ZNF438: variants seen among roughly 807,000 people sequenced by gnomAD.
ZNF438 encodes the protein zinc finger protein 438.
A neutral mutation model predicts 38.0 loss-of-function variants in ZNF438; 25 were observed. That is an observed-to-expected ratio of 0.66 (90% CI 0.48 to 0.92). The LOEUF (loss-of-function observed/expected upper bound fraction) is 0.92, where lower values mean the gene tolerates loss of function less well. Among genes scored for constraint, ZNF438 ranks in the 40% least tolerant of loss-of-function variants. The pLI is 0.00. For synonymous variants in ZNF438, 372 were observed against 364.1 expected (o/e 1.02, Z -0.25); for missense variants, 1,007 against 999.6 (o/e 1.01, Z -0.10).
At position 31,027,618 on chromosome 10, in the gene ZNF438, T is replaced by A. The variant is rs574062041; in HGVS notation, c.-192+4215A>T. On this transcript the variant is annotated intron_variant, in intron 1 of 5. Coordinates refer to ENST00000413025, the Ensembl canonical transcript of ZNF438. ...AGGCTATTGACTATGCAATTTTACTTTATACCATATATGGGTATCTGATGT... is the reference window on the plus strand; with the variant it reads ...AGGCTATTGACTATGCAATTTTACTATATACCATATATGGGTATCTGATGT... Among the ~76,000 whole-genome samples, 14 of 152,256 alleles carry A rather than the reference T, an allele frequency of 9.2e-5. No individual in the cohort carries two copies. In the East Asian group the frequency reaches 2.3e-3, roughly 25 times the overall value.
At chr10:30,901,670 C>T (rs530864301) in intron 3 of ZNF438, among the ~76,000 whole-genome samples, 2 of 151,652 alleles carry the variant, frequency 1.3e-5, no homozygotes, top group East Asian at 2.0e-4. Context: ...TCTCACCGCT[C>T]GGCGATAGTC....
At chr10:31,017,655 C>T (rs73254450) in intron 1 of ZNF438, among the ~76,000 whole-genome samples, 1,818 of 152,272 alleles carry the variant, frequency 0.012, 40 homozygotes, top group African/African-American at 0.041. Flanking sequence ...TCTCTTCAAC[C>T]CTCTCTTGAT....
At chr10:30,892,305 TAAC>T (rs1226319696) in intron 3 of ZNF438, among the ~76,000 whole-genome samples, 7 of 151,578 alleles carry the variant, frequency 4.6e-5, no homozygotes, top group African/African-American at 1.7e-4. Context: ...AGGAAGAAAT[TAAC>T]AATAACTAAT....
chr10:30,875,482 T>G (rs1185711107), intron 4 of ZNF438: 1 of 985,310 alleles, frequency 1.0e-6, no homozygotes, highest in African/African-American at 1.7e-5. Context: ...TGTTCCATTA[T>G]TTTTTCTCCT....
intron 1 of ZNF438, among the ~76,000 whole-genome samples, chr10:30,990,415 G>A (rs961541264): frequency 1.3e-5 from 2 of 152,150 alleles, no homozygotes; most frequent in Non-Finnish European, 2.9e-5. Flanking sequence ...ATTGACAGTA[G>A]GTTATCCAGA....
intron 1 of ZNF438, among the ~76,000 whole-genome samples, chr10:31,029,072 C>G (rs186422697): frequency 3.3e-5 from 5 of 152,352 alleles, no homozygotes; most frequent in Non-Finnish European, 5.9e-5. Flanking sequence ...AACATGTTCA[C>G]TCGGAGGTGG....
chr10:31,031,533 G>T (rs1186861468), intron 1 of ZNF438, among the ~76,000 whole-genome samples: 1 of 152,194 alleles, frequency 6.6e-6, no homozygotes, highest in African/African-American at 2.4e-5. Context: ...AAGAAAAAAA[G>T]GGACTCTCCA....
At chr10:30,950,653 A>T (rs530290245) in intron 1 of ZNF438, among the ~76,000 whole-genome samples, 17 of 149,304 alleles carry the variant, frequency 1.1e-4, no homozygotes, top group African/African-American at 4.2e-4. Context: ...TCTAGAAGAA[A>T]TGGATAAATT....
At chr10:30,993,970 C>G (rs1434692278) in intron 1 of ZNF438, among the ~76,000 whole-genome samples, 2 of 152,228 alleles carry the variant, frequency 1.3e-5, no homozygotes, top group Non-Finnish European at 2.9e-5. Context: ...TACATGGGAT[C>G]TGTTACTCCT....
At chr10:30,876,872 T>C (rs948861650) in intron 4 of ZNF438, 126 bp downstream of exon 5, 4 of 621,652 alleles carry the variant, frequency 6.4e-6, no homozygotes, top group African/African-American at 5.8e-5. Flanking sequence ...TTTTCATATA[T>C]AATTATAATT....
chr10:30,904,931 A>G (rs1413490024), intron 3 of ZNF438, among the ~76,000 whole-genome samples: 1 of 152,134 alleles, frequency 6.6e-6, no homozygotes, highest in Non-Finnish European at 1.5e-5. Flanking sequence ...TCTTTCCCTG[A>G]TGGTACTTAC....
chr10:31,029,383 TGCAAAACTAA>T (rs2057139003), intron 1 of ZNF438, among the ~76,000 whole-genome samples: 1 of 152,208 alleles, frequency 6.6e-6, no homozygotes, highest in East Asian at 1.9e-4. Flanking sequence ...TTAGAACTTG[TGCAAAACTAA>T]ATTTGTAATT....
intron 3 of ZNF438, among the ~76,000 whole-genome samples, chr10:30,890,076 G>C (rs2040481148): frequency 7.5e-6 from 1 of 133,416 alleles, no homozygotes; most frequent in African/African-American, 2.9e-5. Flanking sequence ...ATTATCTTTG[G>C]CATTTCCAAA....
intron 1 of ZNF438, among the ~76,000 whole-genome samples, chr10:30,989,821 T>C (rs2053275180): frequency 6.6e-6 from 1 of 152,164 alleles, no homozygotes; most frequent in Non-Finnish European, 1.5e-5. Flanking sequence ...AAACACACTA[T>C]CATCTCCACC....
chr10:30,966,121 CAGG>C (rs981676026), intron 1 of ZNF438, among the ~76,000 whole-genome samples: 1 of 152,038 alleles, frequency 6.6e-6, no homozygotes, highest in African/African-American at 2.4e-5. Context: ...CACTTGAGAA[CAGG>C]AGTTCTAGAC....
chr10:30,922,627 A>G (rs567778677), intron 2 of ZNF438, among the ~76,000 whole-genome samples: 1 of 152,166 alleles, frequency 6.6e-6, no homozygotes, highest in Admixed American at 6.5e-5. Context: ...TGAGGTCAGG[A>G]GTTTGGGACC....
intron 4 of ZNF438, among the ~76,000 whole-genome samples, chr10:30,863,677 C>T (rs1340901901): frequency 6.6e-6 from 1 of 152,230 alleles, no homozygotes; most frequent in Non-Finnish European, 1.5e-5. Context: ...CCCACTGCTT[C>T]TCCTTGCCCC....
chr10:30,965,725 A>T (rs997789359), intron 1 of ZNF438, among the ~76,000 whole-genome samples: 2 of 152,200 alleles, frequency 1.3e-5, no homozygotes, highest in African/African-American at 4.8e-5. Context: ...ATGAACACAA[A>T]GATGGCAGCA....
intron 1 of ZNF438, among the ~76,000 whole-genome samples, chr10:31,003,921 T>A (rs1210183624): frequency 6.6e-6 from 1 of 152,070 alleles, no homozygotes; most frequent in Non-Finnish European, 1.5e-5. Flanking sequence ...GGGGAGAGCA[T>A]ATATGGAAGA....
Sources: allele counts gnomAD v4.1 joint callset (sites outside exome capture counted in the v4.1 genomes callset), GRCh38; gene constraint gnomAD v4.1.1; transcripts MANE v1.5; gene names NCBI Gene and HGNC (gene_info 2026-07-23, HGNC 2026-07-21).